Variants in DPF2 observed in about 807,000 individuals in gnomAD.
The protein encoded by DPF2 is zinc finger protein ubi-d4.
Under a neutral mutation model 59.6 loss-of-function variants are expected in DPF2, and 10 were observed. That is an observed-to-expected ratio of 0.17 (90% CI 0.10 to 0.28). The LOEUF (loss-of-function observed/expected upper bound fraction) is 0.28. Ranked by LOEUF, DPF2 falls within the 10% of genes least tolerant of loss-of-function variation. DPF2 has a pLI of 1.00. For synonymous variants in DPF2, 189 were observed against 190.6 expected (o/e 0.99, Z 0.07); for missense variants, 315 against 509.4 (o/e 0.62, Z 3.67).
chr11:65,350,374 CTTTTTTT>C (rs529951680), intron 10 of DPF2, among the ~76,000 whole-genome samples: 2 of 128,762 alleles, frequency 1.6e-5, no homozygotes, highest in East Asian at 2.2e-4. Flanking sequence ...TTCTTTCTTT[CTTTTTTT>C]TTTTTTTTTT....
At chr11:65,345,330 C>T (rs1042294976) in intron 6 of DPF2, 1 of 270,542 alleles carries the variant, frequency 3.7e-6, no homozygotes, top group African/African-American at 2.1e-5. Flanking sequence ...CCTTCCCTTT[C>T]CTGACCTGGA....
intron 2 of DPF2, among the ~76,000 whole-genome samples, 183 bp from the exon 3 acceptor site, chr11:65,340,783 C>T (rs969609131): frequency 5.3e-5 from 8 of 152,178 alleles, no homozygotes; most frequent in African/African-American, 1.9e-4. Context: ...TAGCCAAGGC[C>T]CTGAAGCTTA....
At position 65,345,513 on chromosome 11, in the gene DPF2, A is replaced by G. The variant is rs1014487076; in HGVS notation, c.638-153A>G. On this transcript the variant is annotated intron_variant, in intron 6 of 10. Coordinates refer to ENST00000528416, the MANE Select transcript of DPF2 (RefSeq NM_006268.5). The stretch of plus-strand genomic sequence containing the variant: ...GGCCTGATGCTCCTGGCTGAGGGGA[A>G]GTGGCCGTCACTCAAGGCCTGTCCC... The G allele has an allele frequency of 1.7e-5, 18 of 1,044,358 alleles. No individual in the cohort carries two copies. The Admixed American group carries it at 4.0e-4, about 23-fold the overall frequency. 64.7% of individuals were successfully genotyped at this position (1,044,358 alleles called of 1,614,324 possible). A position where few individuals can be genotyped will look rare whatever the true frequency, so the allele number is the denominator to read the frequency against.
At chr11:65,334,016 TC>T in intron 1 of DPF2, 98 bp downstream of exon 1, 1 of 1,520,248 alleles carries the variant, frequency 6.6e-7, no homozygotes, top group Non-Finnish European at 8.9e-7. Context: ...GAGAGGGACA[TC>T]CCCGGGAAAG....
intron 1 of DPF2, among the ~76,000 whole-genome samples, chr11:65,336,146 A>G (rs1271187164): frequency 6.6e-6 from 1 of 152,136 alleles, no homozygotes; most frequent in African/African-American, 2.4e-5. Flanking sequence ...TTGTCCTGGG[A>G]AAAGAATTTT....
At chr11:65,346,565 T>A in intron 9 of DPF2, 1 of 524,468 alleles carries the variant, frequency 1.9e-6, no homozygotes, top group Non-Finnish European at 3.4e-6. Flanking sequence ...ACTGTTCTAG[T>A]CACTAAAGAT....
rs760206209 is a variant in DPF2, at chr11:65,354,223, TGTAAA to T, written c.*2468_*2472del. On this transcript the variant is annotated 3_prime_UTR_variant, in exon 11 of 11. Transcript: ENST00000528416. ...ATCTTGAGTTTAAGAACTTGAATCT[TGTAAA>T]GTACCAAATCTAATAAAATACTCGT... Among the ~76,000 whole-genome samples the T allele has an allele frequency of 2.0e-5, 3 of 152,216 alleles. No homozygotes were observed. Among genetic ancestry groups the T allele is most frequent in the Non-Finnish European group, 2.9e-5 (2 of 68,032 alleles).
At chr11:65,340,270 A>G in intron 1 of DPF2, 115 bp from the exon 2 acceptor site, 1 of 1,249,952 alleles carries the variant, frequency 8.0e-7, no homozygotes, top group Non-Finnish European at 1.1e-6. Flanking sequence ...AACGGAAGAG[A>G]CAGCCACCCA....
chr11:65,344,046 G>T lies in DPF2; in HGVS notation c.614G>T (p.Arg205Leu). ...CTGGATGCTTCCATCCTGGAGGACC[G>T]GGATAAGCCCTATGCCTGTGACAGT... is the stretch of plus-strand genomic sequence containing the variant. ...KKLDASILED[R>L]DKPYACDICG... is the part of the protein sequence containing the mutation. Residue 205 changes from arginine to leucine, a missense_variant, in exon 6 of 11, where the codon CGG becomes CTG. Around this residue, in one of 4 missense-constraint regions of DPF2, gnomAD observed 228 missense variants for 275.3 expected, o/e 0.83. Transcript: ENST00000528416. 6.2e-7 allele frequency: 1 copy of T among 1,614,202 alleles called. No individual in the cohort carries two copies. Among genetic ancestry groups the T allele is most frequent in the South Asian group, 1.1e-5 (1 of 91,074 alleles).
intron 1 of DPF2, among the ~76,000 whole-genome samples, chr11:65,337,502 TATAGAGAGAGAGAGAGAG>T (rs1251872109): frequency 6.0e-5 from 2 of 33,098 alleles, no homozygotes; most frequent in African/African-American, 2.5e-4. Flanking sequence ...TATATATATA[TATAGAGAGAGAGAGAGAG>T]AGAGAGAGAG....
rs202228737 is a variant in DPF2, at chr11:65,346,205, C to G, written c.905-42C>G. Reference sequence around the variant, plus strand: ...CAGGCAGGAGCTCCTCTCTTCCCCCCGCATTTCCGACTGTCTGTCTCACTC... The same window carrying G: ...CAGGCAGGAGCTCCTCTCTTCCCCCGGCATTTCCGACTGTCTGTCTCACTC... On this transcript the variant is annotated intron_variant, in intron 8 of 10. Transcript: ENST00000528416. The G allele has an allele frequency of 1.4e-5, 22 of 1,604,546 alleles. No homozygotes were observed. In the East Asian group the frequency reaches 1.6e-4, roughly 11 times the overall value.
intron 4 of DPF2, chr11:65,341,799 A>G (rs1854382468): frequency 6.8e-6 from 3 of 437,982 alleles, no homozygotes; most frequent in Admixed American, 7.4e-5. Context: ...TTATACACAT[A>G]TATAATTTTC....
At chr11:65,333,950 G>A (rs1218948230) in intron 1 of DPF2, 32 bp downstream of exon 1, 4 of 1,612,272 alleles carry the variant, frequency 2.5e-6, no homozygotes, top group Non-Finnish European at 3.4e-6. Flanking sequence ...TCCTAGGGCG[G>A]CAGGTTTTGT....
At chr11:65,342,840 G>A (rs1252551074) in intron 4 of DPF2, among the ~76,000 whole-genome samples, 1 of 150,342 alleles carries the variant, frequency 6.7e-6, no homozygotes, top group African/African-American at 2.5e-5. Flanking sequence ...GTGAAACCCC[G>A]TCTCTACTAA....
At chr11:65,342,306 T>C (rs1053947559) in intron 4 of DPF2, among the ~76,000 whole-genome samples, 1 of 151,672 alleles carries the variant, frequency 6.6e-6, no homozygotes, top group Non-Finnish European at 1.5e-5. Flanking sequence ...AAAAATTAGC[T>C]GGGCATGGTG....
chr11:65,337,498 TATATATAGAGAGAG>T lies in DPF2; in HGVS notation c.33-2885_33-2872del, dbSNP rs1448995045. On this transcript the variant is annotated intron_variant, in intron 1 of 10. Transcript: ENST00000528416. ...AAATATATATATATATATATATATA[TATATATAGAGAGAG>T]AGAGAGAGAGAGAGAGAGAGAGAGA... Among the ~76,000 whole-genome samples the T allele has an allele frequency of 5.7e-3, 273 of 48,002 alleles. 1 individual carries two copies. The highest frequency in any genetic ancestry group is 0.016 in the African/African-American group (188 of 11,814). The allele number at this position is 48,002 out of a possible 152,430, so 31.5% of individuals were successfully genotyped here.
intron 1 of DPF2, among the ~76,000 whole-genome samples, chr11:65,337,540 GAGAGA>G: frequency 7.6e-6 from 1 of 132,044 alleles, no homozygotes; most frequent in Admixed American, 8.0e-5. Flanking sequence ...GAGAGAGAGA[GAGAGA>G]GAACAATGTT....
intron 8 of DPF2, 29 bp from the exon 9 acceptor site, chr11:65,346,218 G>A: frequency 2.5e-6 from 4 of 1,610,272 alleles, no homozygotes; most frequent in Non-Finnish European, 3.4e-6. Context: ...ATTTCCGACT[G>A]TCTGTCTCAC....
rs563608944 is a variant in DPF2 at position 65,343,230 on chromosome 11, C to T, written c.466-515C>T. Among the ~76,000 whole-genome samples the T allele has an allele frequency of 7.2e-5, 10 of 139,224 alleles. No homozygotes were observed. The East Asian group carries it at 1.5e-3, about 21-fold the overall frequency. The allele number at this position is 139,224 out of a possible 152,430, so 91.3% of individuals were successfully genotyped here. ...AGGAGGATCGCTTGAACCCAGGAGA[C>T]GGAGGTTGCGGTAAGCCAGTATTGC... On this transcript the variant is annotated intron_variant, in intron 4 of 10. Coordinates refer to ENST00000528416, the MANE Select transcript of DPF2 (RefSeq NM_006268.5).
Sources: gnomAD v4.1 joint callset for allele counts (sites outside exome capture counted in the v4.1 genomes callset) on GRCh38, gnomAD v4.1.1 for gene constraint, gnomAD v4.1.1 regional missense constraint, MANE v1.5 for transcripts, NCBI Gene and HGNC (gene_info 2026-07-23, HGNC 2026-07-21) for gene names.